The following USH2A variants were observed in gnomAD, a reference collection of about 807,000 sequenced individuals.
USH2A encodes Usher syndrome 2A (autosomal recessive, mild).
In USH2A, 443 loss-of-function variants were observed where a neutral mutation model predicts 538.9. That is an observed-to-expected ratio of 0.82 (90% CI 0.76 to 0.89). The LOEUF (loss-of-function observed/expected upper bound fraction) is 0.89, where lower values mean the gene tolerates loss of function less well. USH2A is among the 40% of genes least tolerant of loss of function. The pLI is 0.00. For missense variants in USH2A, 6,633 were observed against 6,324.8 expected, an observed-to-expected ratio of 1.05 and a Z score of -1.65; for synonymous variants, 2,413 against 2,273.5, an observed-to-expected ratio of 1.06 and a Z score of -1.75.
At chr1:216,176,328 T>A (rs1021728771) in intron 20 of USH2A, among the ~76,000 whole-genome samples, 1 of 152,032 alleles carries the variant, frequency 6.6e-6, no homozygotes, top group Non-Finnish European at 1.5e-5. Context: ...CTGGAACTCC[T>A]GGGCTCAAGC....
chr1:216,084,581 T>A, intron 25 of USH2A, 117 bp downstream of exon 25: 1 of 1,049,306 alleles, frequency 9.5e-7, no homozygotes, highest in Non-Finnish European at 1.4e-6. Context: ...AATAACTAAG[T>A]ATTTCTGTGA....
chr1:216,062,485 CTG>C (rs1319139838), intron 30 of USH2A, among the ~76,000 whole-genome samples: 3 of 152,134 alleles, frequency 2.0e-5, no homozygotes, highest in Non-Finnish European at 2.9e-5. Context: ...AAATCAGAAA[CTG>C]TAATTCAGAG....
At chr1:215,852,458 A>G (rs532918377) in intron 44 of USH2A, among the ~76,000 whole-genome samples, 7 of 152,216 alleles carry the variant, frequency 4.6e-5, no homozygotes, top group Non-Finnish European at 1.0e-4. Context: ...CAGCCAAACC[A>G]TATCATGCTG....
At chr1:215,847,030 A>C (rs1025829106) in intron 44 of USH2A, among the ~76,000 whole-genome samples, 3 of 152,148 alleles carry the variant, frequency 2.0e-5, no homozygotes, top group Non-Finnish European at 4.4e-5. Flanking sequence ...AAGATACCAA[A>C]ATCAATCACT....
intron 61 of USH2A, among the ~76,000 whole-genome samples, chr1:215,705,226 T>C (rs1659152333): frequency 6.6e-6 from 1 of 152,268 alleles, no homozygotes; most frequent in South Asian, 2.1e-4. Context: ...GTGTATTTTA[T>C]ACTTATTGAA....
In USH2A at chr1:215,838,110, A is replaced by C; in HGVS notation, c.9259-7T>G. 6.2e-7 allele frequency: 1 copy of C among 1,609,346 alleles called. No individual in the cohort carries two copies. Among genetic ancestry groups the C allele is most frequent in the Admixed American group, 1.7e-5 (1 of 59,992 alleles). ...ATATTGTGCAGACTTCAACCTGCAA[A>C]CATTAGTTTAGAAAAAATAAATGCA... On this transcript the variant is annotated splice_polypyrimidine_tract_variant and splice_region_variant and intron_variant, in intron 46 of 71. Coordinates refer to ENST00000307340, the MANE Select transcript of USH2A (RefSeq NM_206933.4).
At chr1:216,257,112 C>T (rs1336091154) in intron 11 of USH2A, among the ~76,000 whole-genome samples, 1 of 151,846 alleles carries the variant, frequency 6.6e-6, no homozygotes, top group Non-Finnish European at 1.5e-5. Context: ...AATGCAGTTG[C>T]CATTTTGGGT....
At position 215,900,188 on chromosome 1, in the gene USH2A, C is replaced by T; in HGVS notation, c.7481G>A (p.Ser2494Asn). 6.2e-7 allele frequency: 1 copy of T among 1,613,596 alleles called. No individual in the cohort carries two copies. Among genetic ancestry groups the T allele is most frequent in the Non-Finnish European group, 8.5e-7 (1 of 1,179,738 alleles). ...CGGTTGGAGATCACTCACTTCATAG[C>T]TTAACGATGCAGAAGGATTGGAAAA... ...ELFSNPSASL[S>N]YEVSDLQPYT... Residue 2494 changes from serine (S) to asparagine (N), a missense_variant, in exon 40 of 72, where the codon AGC becomes AAC. Coordinates refer to ENST00000307340, the MANE Select transcript of USH2A (RefSeq NM_206933.4).
At position 216,046,429 on chromosome 1, in the gene USH2A, A is replaced by T. The variant is rs1458440347; in HGVS notation, c.6325+2T>A. ...ATTCGCTGATAACTCTAGAGGTCTT[A>T]CCTGTGACTATGTAGTTCTCCTCAC... On this transcript the variant is annotated splice_donor_variant, in intron 32 of 71. Transcript: ENST00000307340. LOFTEE classifies it high-confidence loss of function. 6.2e-7 allele frequency: 1 copy of T among 1,613,486 alleles called. No homozygotes were observed.
intron 35 of USH2A, among the ~76,000 whole-genome samples, chr1:215,986,548 A>C (rs1367728010): frequency 1.3e-5 from 2 of 152,100 alleles, no homozygotes; most frequent in African/African-American, 4.8e-5. Context: ...CAAACAAGAC[A>C]AGTCTATGTG....
At chr1:215,832,679 CA>C (rs1295143285) in intron 47 of USH2A, among the ~76,000 whole-genome samples, 5 of 151,830 alleles carry the variant, frequency 3.3e-5, no homozygotes, top group Admixed American at 3.3e-4. Context: ...AGTTTTCTTT[CA>C]AAGATTGGGA....
chr1:216,201,030 TTCC>T (rs2034986445), intron 16 of USH2A, among the ~76,000 whole-genome samples: 1 of 126,378 alleles, frequency 7.9e-6, no homozygotes, highest in Non-Finnish European at 1.6e-5. Context: ...CCTTCCTTCC[TTCC>T]TTCCTTCCTT....
intron 16 of USH2A, among the ~76,000 whole-genome samples, chr1:216,201,016 CCTTCCTTCCTTCCTT>C (rs2034985484): frequency 4.2e-5 from 4 of 94,652 alleles, no homozygotes; most frequent in African/African-American, 2.0e-4. Flanking sequence ...TCCCTCCCTT[CCTTCCTTCCTTCCTT>C]CCTTCCTTCC....
At chr1:215,858,299 C>T (rs1664223907) in intron 44 of USH2A, among the ~76,000 whole-genome samples, 2 of 151,878 alleles carry the variant, frequency 1.3e-5, no homozygotes, top group South Asian at 4.2e-4. Context: ...TGGTTAGGTC[C>T]CATGTCCCCA....
At chr1:215,655,347 T>C (rs1349222357) in intron 64 of USH2A, among the ~76,000 whole-genome samples, 2 of 152,144 alleles carry the variant, frequency 1.3e-5, no homozygotes, top group African/African-American at 2.4e-5. Context: ...CATCATAGAG[T>C]TAATTACTGT....
intron 46 of USH2A, among the ~76,000 whole-genome samples, chr1:215,841,678 A>G (rs1365308562): frequency 6.6e-6 from 1 of 152,218 alleles, no homozygotes; most frequent in Non-Finnish European, 1.5e-5. Context: ...TTGCAACAAA[A>G]GCAAAAATTG....
chr1:216,066,182 C>T (rs1299538464), intron 30 of USH2A, among the ~76,000 whole-genome samples: 6 of 151,670 alleles, frequency 4.0e-5, no homozygotes, highest in East Asian at 2.0e-4. Flanking sequence ...GTAAAAATTG[C>T]TATCCTGGCC....
At chr1:216,015,445 G>C (rs1390016640) in intron 32 of USH2A, among the ~76,000 whole-genome samples, 1 of 152,170 alleles carries the variant, frequency 6.6e-6, no homozygotes, top group Non-Finnish European at 1.5e-5. Context: ...TATTCAGCCT[G>C]AACATCCTTG....
chr1:215,851,653 G>C (rs1571747772), intron 44 of USH2A, among the ~76,000 whole-genome samples: 1 of 151,942 alleles, frequency 6.6e-6, no homozygotes, highest in Non-Finnish European at 1.5e-5. Flanking sequence ...TATTCCAAAA[G>C]ATATAGAAAG....
Sources: gnomAD v4.1 joint callset for allele counts (sites outside exome capture counted in the v4.1 genomes callset) on GRCh38, gnomAD v4.1.1 for gene constraint, MANE v1.5 for transcripts, NCBI Gene and HGNC (gene_info 2026-07-23, HGNC 2026-07-21) for gene names.